The following TMCC3 variants were observed in gnomAD, a reference collection of about 807,000 sequenced individuals.
TMCC3 encodes the protein transmembrane and coiled-coil domain protein 3.
A neutral mutation model predicts 40.2 loss-of-function variants in TMCC3; 28 were observed. The observed-to-expected ratio is 0.70, with a 90% confidence interval of 0.52 to 0.95. TMCC3 has a LOEUF of 0.95. TMCC3 is among the 40% of genes least tolerant of loss of function. TMCC3 has a pLI of 0.00. For synonymous variants in TMCC3, 255 were observed against 248.5 expected (o/e 1.03, Z -0.25); for missense variants, 554 against 615.2 (o/e 0.90, Z 1.05).
At chr12:94,628,352 TG>T (rs1296865708) in intron 1 of TMCC3, among the ~76,000 whole-genome samples, 1 of 152,180 alleles carries the variant, frequency 6.6e-6, no homozygotes, top group Non-Finnish European at 1.5e-5. Context: ...CCTGGAGGCT[TG>T]GGGGCATCTC....
At chr12:94,572,086 G>A (rs546485697) in intron 3 of TMCC3, among the ~76,000 whole-genome samples, 54 of 152,142 alleles carry the variant, frequency 3.5e-4, no homozygotes, top group African/African-American at 1.3e-3. Context: ...TGCAACCTCC[G>A]CCTCCTGGGT....
chr12:94,615,374 C>T (rs1027303821), intron 1 of TMCC3, among the ~76,000 whole-genome samples: 2 of 152,232 alleles, frequency 1.3e-5, no homozygotes, highest in Non-Finnish European at 2.9e-5. Context: ...ATGGCTGCTT[C>T]CTCTCCCACA....
chr12:94,591,095 G>C (rs1165028462), intron 1 of TMCC3: 7 of 484,748 alleles, frequency 1.4e-5, no homozygotes, highest in Non-Finnish European at 2.5e-5. Flanking sequence ...GGAGATGGTC[G>C]TGCTGGTTGC....
At chr12:94,639,668 AACACACACACACACAC>A (rs3073591) in intron 1 of TMCC3, among the ~76,000 whole-genome samples, 2 of 124,104 alleles carry the variant, frequency 1.6e-5, no homozygotes, top group African/African-American at 3.2e-5. Context: ...CATATATGTA[AACACACACACACACAC>A]ACACACACAC....
At chr12:94,632,377 C>T (rs1435554813) in intron 1 of TMCC3, among the ~76,000 whole-genome samples, 1 of 152,158 alleles carries the variant, frequency 6.6e-6, no homozygotes, top group Non-Finnish European at 1.5e-5. Flanking sequence ...TGACTAGGTA[C>T]AAAAACTGCC....
At chr12:94,645,975 A>T (rs1300965058) in intron 1 of TMCC3, among the ~76,000 whole-genome samples, 1 of 152,238 alleles carries the variant, frequency 6.6e-6, no homozygotes, top group African/African-American at 2.4e-5. Flanking sequence ...TTTATTCCTC[A>T]AAACACCCCT....
chr12:94,601,565 C>T (rs1381943596), intron 1 of TMCC3, among the ~76,000 whole-genome samples: 3 of 151,422 alleles, frequency 2.0e-5, no homozygotes, highest in East Asian at 2.0e-4. Flanking sequence ...TGACTCATTC[C>T]TGTAATCCCA....
chr12:94,639,102 G>A (rs368139138), intron 1 of TMCC3, among the ~76,000 whole-genome samples: 1 of 152,038 alleles, frequency 6.6e-6, no homozygotes, highest in African/African-American at 2.4e-5. Context: ...TCGGCCTATC[G>A]TCATCCATTA....
intron 1 of TMCC3, among the ~76,000 whole-genome samples, chr12:94,638,111 TGAA>T (rs751574635): frequency 3.9e-5 from 6 of 152,152 alleles, no homozygotes; most frequent in Non-Finnish European, 8.8e-5. Context: ...TCTGTCCTAT[TGAA>T]GAATTTGAAG....
chr12:94,608,420 T>C (rs1367090191), intron 1 of TMCC3, among the ~76,000 whole-genome samples: 1 of 152,184 alleles, frequency 6.6e-6, no homozygotes, highest in Non-Finnish European at 1.5e-5. Flanking sequence ...TTGGGACTCA[T>C]CACTCAATCT....
chr12:94,620,272 AT>A (rs977667022), intron 1 of TMCC3, among the ~76,000 whole-genome samples: 2,237 of 147,780 alleles, frequency 0.015, 52 homozygotes, highest in African/African-American at 0.051. Flanking sequence ...TACTGTGGAA[AT>A]TTTTTTTTTT....
intron 1 of TMCC3, among the ~76,000 whole-genome samples, chr12:94,643,146 T>C (rs917868936): frequency 6.6e-6 from 1 of 151,906 alleles, no homozygotes; most frequent in Non-Finnish European, 1.5e-5. Context: ...GAGCCGAGAT[T>C]GCACCACTGC....
At chr12:94,600,240 G>GTTTTT (rs530585319) in intron 1 of TMCC3, among the ~76,000 whole-genome samples, 15 of 102,062 alleles carry the variant, frequency 1.5e-4, no homozygotes, top group Non-Finnish European at 2.5e-4. Context: ...CCAAATTCTG[G>GTTTTT]TTTTTTTTTT....
chr12:94,576,349 A>G (rs1274530), intron 3 of TMCC3, among the ~76,000 whole-genome samples: 64,196 of 152,064 alleles, frequency 0.42, 13,937 homozygotes, highest in Middle Eastern at 0.45. Context: ...AGGATAAAGC[A>G]CTATCTTTAT....
At position 94,571,300 on chromosome 12, in the gene TMCC3, G is replaced by C; in HGVS notation, c.*135C>G. 1 of 885,406 alleles carries C rather than the reference G, an allele frequency of 1.1e-6. No individual in the cohort carries two copies. Among genetic ancestry groups the C allele is most frequent in the Non-Finnish European group, 1.7e-6 (1 of 588,238 alleles). The allele number at this position is 885,406 out of a possible 1,614,324, so 54.8% of individuals were successfully genotyped here. A position where few individuals can be genotyped will look rare whatever the true frequency, so the allele number is the denominator to read the frequency against. On this transcript the variant is annotated 3_prime_UTR_variant, in exon 4 of 4. Transcript: ENST00000261226. ...CTGCTACGGAGTTAAGAGAATTGTA[G>C]TTATTTACACCACACAGTCCTAGTT...
rs140584934 is a variant in TMCC3, at chr12:94,594,537, A to G, written c.79-11999T>C. On this transcript the variant is annotated intron_variant, in intron 1 of 3. Transcript: ENST00000261226. ...TGGGGGCAGTTCTGGAAAATTTCCC[A>G]TCCATGCTTGTTCATTCCCATAGGT... is the stretch of plus-strand genomic sequence containing the variant. Among the ~76,000 whole-genome samples, 376 of 152,178 alleles carry G rather than the reference A, an allele frequency of 2.5e-3. 4 individuals are homozygous for G. Among genetic ancestry groups the G allele is most frequent in the African/African-American group, 8.7e-3 (361 of 41,526 alleles).
At chr12:94,605,064 C>T (rs1048269641) in intron 1 of TMCC3, among the ~76,000 whole-genome samples, 2 of 151,910 alleles carry the variant, frequency 1.3e-5, no homozygotes, top group Non-Finnish European at 2.9e-5. Flanking sequence ...TGATTGAGGG[C>T]TGGGGTGAAA....
intron 2 of TMCC3, among the ~76,000 whole-genome samples, chr12:94,579,420 T>A (rs1042799447): frequency 6.6e-6 from 1 of 152,120 alleles, no homozygotes; most frequent in African/African-American, 2.4e-5. Flanking sequence ...GATGGGAGAA[T>A]TGCTTGAACC....
At chr12:94,609,984 A>G (rs1459423166) in intron 1 of TMCC3, 3 of 152,150 alleles carry the variant, frequency 2.0e-5, no homozygotes, top group African/African-American at 4.8e-5. Flanking sequence ...GTTGCAAGGG[A>G]GGCTGGGGAG....
Sources: gnomAD v4.1 joint callset for allele counts (sites outside exome capture counted in the v4.1 genomes callset) on GRCh38, gnomAD v4.1.1 for gene constraint, MANE v1.5 for transcripts, NCBI Gene and HGNC (gene_info 2026-07-23, HGNC 2026-07-21) for gene names.